The following MAML3 variants were observed in gnomAD, a reference collection of about 807,000 sequenced individuals.
MAML3 encodes mastermind-like protein 3.
Under a neutral mutation model 101.9 loss-of-function variants are expected in MAML3, and 27 were observed. That is an observed-to-expected ratio of 0.27 (90% CI 0.20 to 0.37). The LOEUF (loss-of-function observed/expected upper bound fraction) is 0.37. Among genes scored for constraint, MAML3 ranks in the 10% least tolerant of loss-of-function variants. MAML3 has a pLI of 1.00. For missense variants in MAML3, 1,316 were observed against 1,444.9 expected, an observed-to-expected ratio of 0.91 and a Z score of 1.45; for synonymous variants, 501 against 555.9, an observed-to-expected ratio of 0.90 and a Z score of 1.39.
In MAML3 at chr4:139,741,560, G is replaced by A. The variant is rs565606065; in HGVS notation, c.2080-10893C>T. ...TGAGTTCAGTTCAGGACCAGCCTGGGCAACAGCAAGACCTCATCTCTACTA... is the reference window on the plus strand; with the variant it reads ...TGAGTTCAGTTCAGGACCAGCCTGGACAACAGCAAGACCTCATCTCTACTA... On this transcript the variant is annotated intron_variant, in intron 2 of 4. Coordinates refer to ENST00000509479, the MANE Select transcript of MAML3 (RefSeq NM_018717.5). Among the ~76,000 whole-genome samples, 36 of 152,114 alleles carry A rather than the reference G, an allele frequency of 2.4e-4. 1 individual carries two copies. In the South Asian group the frequency reaches 4.8e-3, roughly 20 times the overall value.
chr4:140,002,047 T>G (rs1734934153), intron 1 of MAML3, among the ~76,000 whole-genome samples: 1 of 42,474 alleles, frequency 2.4e-5, no homozygotes, highest in Non-Finnish European at 4.6e-5. Flanking sequence ...CACACACTTA[T>G]CATTTTTTTT....
chr4:139,847,682 T>TG (rs1451267643), intron 2 of MAML3, among the ~76,000 whole-genome samples: 2 of 152,244 alleles, frequency 1.3e-5, no homozygotes, highest in Non-Finnish European at 2.9e-5. Flanking sequence ...GCCCTGTTGC[T>TG]GATCACCAAA....
At chr4:139,791,113 T>C (rs1730401197) in intron 2 of MAML3, among the ~76,000 whole-genome samples, 1 of 152,246 alleles carries the variant, frequency 6.6e-6, no homozygotes, top group Non-Finnish European at 1.5e-5. Flanking sequence ...TAATATGTAC[T>C]GAACTTTAAA....
chr4:139,899,815 A>G (rs1732681092), intron 1 of MAML3, among the ~76,000 whole-genome samples: 1 of 152,182 alleles, frequency 6.6e-6, no homozygotes, highest in African/African-American at 2.4e-5. Context: ...ATCACATATA[A>G]TATTGCCATA....
At chr4:139,850,896 G>T (rs1295400130) in intron 2 of MAML3, among the ~76,000 whole-genome samples, 2 of 148,406 alleles carry the variant, frequency 1.3e-5, no homozygotes, top group African/African-American at 5.0e-5. Context: ...AGGATTATTT[G>T]CAAGATTAAA....
At chr4:139,725,401 T>G (rs1397773209) in intron 4 of MAML3, among the ~76,000 whole-genome samples, 1 of 152,188 alleles carries the variant, frequency 6.6e-6, no homozygotes, top group Non-Finnish European at 1.5e-5. Context: ...AAAATTGATA[T>G]GCAGCCAACA....
rs10519508 is a variant in MAML3, at chr4:139,889,003, T to A, written c.2079+354A>T. On this transcript the variant is annotated intron_variant, in intron 2 of 4. Coordinates refer to ENST00000509479, the MANE Select transcript of MAML3 (RefSeq NM_018717.5). ...GCTTCCCACCACCCAGAGCCTGGGA[T>A]CATGCAAGCTGGGAGAGAAGCTACA... is the stretch of plus-strand genomic sequence containing the variant. 2.6e-5 allele frequency among the ~76,000 whole-genome samples: 4 copies of A among 152,238 alleles called. 1 individual carries two copies. In the South Asian group the frequency reaches 8.3e-4, roughly 32 times the overall value.
At chr4:139,831,636 G>C (rs1731164299) in intron 2 of MAML3, among the ~76,000 whole-genome samples, 1 of 152,136 alleles carries the variant, frequency 6.6e-6, no homozygotes, top group African/African-American at 2.4e-5. Flanking sequence ...GCACACACCG[G>C]AGCTTAACCT....
intron 1 of MAML3, among the ~76,000 whole-genome samples, chr4:140,040,733 GA>G (rs1440030566): frequency 2.6e-5 from 4 of 152,198 alleles, no homozygotes; most frequent in Non-Finnish European, 5.9e-5. Flanking sequence ...TATCTTGCCA[GA>G]GTAGGAGAAT....
intron 1 of MAML3, among the ~76,000 whole-genome samples, chr4:140,117,200 G>A (rs1728530756): frequency 6.6e-6 from 1 of 152,064 alleles, no homozygotes; most frequent in African/African-American, 2.4e-5. Context: ...GCCATTATCT[G>A]GCATCTTATT....
chr4:139,740,073 G>A (rs1729108323), intron 2 of MAML3: 1 of 152,098 alleles, frequency 6.6e-6, no homozygotes, highest in Non-Finnish European at 1.5e-5. Flanking sequence ...CAACTAGGTC[G>A]GCTTTACATT....
At chr4:139,889,230 G>C in intron 2 of MAML3, 127 bp downstream of exon 2, 1 of 1,555,710 alleles carries the variant, frequency 6.4e-7, no homozygotes, top group Admixed American at 1.7e-5. Flanking sequence ...ACTACCTGAG[G>C]ATGTGTAAAG....
At chr4:139,753,360 C>CTA (rs1354491464) in intron 2 of MAML3, among the ~76,000 whole-genome samples, 2 of 151,744 alleles carry the variant, frequency 1.3e-5, no homozygotes, top group African/African-American at 4.8e-5. Flanking sequence ...ATCTATCTAT[C>CTA]TATCTATCTA....
chr4:139,862,649 T>C (rs553138335), intron 2 of MAML3, among the ~76,000 whole-genome samples: 99 of 152,314 alleles, frequency 6.5e-4, no homozygotes, highest in African/African-American at 1.8e-3. Flanking sequence ...ACTATCTCTG[T>C]AGCTGCCACC....
chr4:139,725,118 T>C (rs17050891), intron 4 of MAML3, among the ~76,000 whole-genome samples: 39,987 of 152,042 alleles, frequency 0.26, 5,485 homozygotes, highest in East Asian at 0.32. Context: ...TCCACATTTA[T>C]AAAGGAGTGC....
At chr4:140,113,007 G>A (rs28539024) in intron 1 of MAML3, among the ~76,000 whole-genome samples, 68 of 152,260 alleles carry the variant, frequency 4.5e-4, no homozygotes, top group African/African-American at 1.5e-3. Context: ...CTGTCCGGGC[G>A]CAGTGGCTCA....
chr4:139,928,833 C>G (rs1431701599), intron 1 of MAML3, among the ~76,000 whole-genome samples: 1 of 152,002 alleles, frequency 6.6e-6, no homozygotes, highest in East Asian at 1.9e-4. Flanking sequence ...AGGAGTGACA[C>G]AGTGGAACTC....
chr4:139,998,982 A>G (rs1734870953), intron 1 of MAML3, among the ~76,000 whole-genome samples: 1 of 152,162 alleles, frequency 6.6e-6, no homozygotes, highest in African/African-American at 2.4e-5. Flanking sequence ...TGATGGATCT[A>G]TCTGCGGGTA....
intron 1 of MAML3, among the ~76,000 whole-genome samples, chr4:140,104,677 G>A (rs1327124283): frequency 1.3e-5 from 2 of 150,568 alleles, no homozygotes; most frequent in Non-Finnish European, 2.9e-5. Context: ...GTTTTTTGTG[G>A]AGATGAGGTT....
Sources: gnomAD v4.1 joint callset for allele counts (sites outside exome capture counted in the v4.1 genomes callset) on GRCh38, gnomAD v4.1.1 for gene constraint, MANE v1.5 for transcripts, NCBI Gene and HGNC (gene_info 2026-07-23, HGNC 2026-07-21) for gene names.